SERPINC1: variants seen among roughly 807,000 people sequenced by gnomAD.
The protein encoded by SERPINC1 is serpin family C member 1, also known as antithrombin-III.
SERPINC1 carries 12 observed loss-of-function variants against 43.4 expected under a neutral mutation model. That is an observed-to-expected ratio of 0.28 (90% CI 0.18 to 0.45). The LOEUF (loss-of-function observed/expected upper bound fraction) is 0.45, where lower values mean the gene tolerates loss of function less well. Among genes scored for constraint, SERPINC1 ranks in the 20% least tolerant of loss-of-function variants. The probability of loss-of-function intolerance (pLI) is 1.00; values close to 1 mark genes in which losing one functional copy is unlikely to be tolerated. For missense variants in SERPINC1, 423 were observed against 578.8 expected (o/e 0.73, Z 2.76); for synonymous variants, 210 against 218.9 (o/e 0.96, Z 0.36).
intron 2 of SERPINC1, among the ~76,000 whole-genome samples, chr1:173,913,437 C>G (rs748381636): frequency 2.6e-5 from 4 of 152,206 alleles, no homozygotes; most frequent in Non-Finnish European, 5.9e-5. Context: ...AACACTCTCA[C>G]GTCCTTGAGG....
intron 6 of SERPINC1, 114 bp from the exon 7 acceptor site, chr1:173,904,179 G>T: frequency 2.0e-6 from 2 of 981,466 alleles, no homozygotes; most frequent in Non-Finnish European, 3.2e-6. Flanking sequence ...CCAGTAAAAA[G>T]TACATTTGGG....
chr1:173,908,624 G>A (rs919964130), intron 5 of SERPINC1, among the ~76,000 whole-genome samples: 1 of 151,904 alleles, frequency 6.6e-6, no homozygotes, highest in African/African-American at 2.4e-5. Context: ...GCAGTGGTGT[G>A]ATCACAGTAC....
At chr1:173,914,980 A>G (rs1657931089) in intron 1 of SERPINC1, 61 bp from the exon 2 acceptor site, 2 of 1,580,318 alleles carry the variant, frequency 1.3e-6, no homozygotes, top group Non-Finnish European at 1.7e-6. Context: ...ACTGCCCACC[A>G]CAGGGTTGCC....
intron 6 of SERPINC1, among the ~76,000 whole-genome samples, 155 bp from the exon 7 acceptor site, chr1:173,904,220 C>T (rs2759325): frequency 6.6e-6 from 1 of 152,230 alleles, no homozygotes. Flanking sequence ...AATCCTACTT[C>T]TACTCATTCT....
intron 6 of SERPINC1, among the ~76,000 whole-genome samples, chr1:173,904,433 GT>G (rs747099319): frequency 6.6e-6 from 1 of 152,106 alleles, no homozygotes; most frequent in Non-Finnish European, 1.5e-5. Flanking sequence ...GAACTCCATA[GT>G]TGAAAGAAAC....
At chr1:173,905,079 A>T (rs1181152981) in intron 6 of SERPINC1, among the ~76,000 whole-genome samples, 1 of 151,992 alleles carries the variant, frequency 6.6e-6, no homozygotes, top group South Asian at 2.1e-4. Context: ...AGTAACTCAG[A>T]CCCCTCAAGG....
chr1:173,912,084 G>A, intron 2 of SERPINC1, 70 bp from the exon 3 acceptor site: 3 of 1,112,668 alleles, frequency 2.7e-6, no homozygotes, highest in Non-Finnish European at 4.1e-6. Flanking sequence ...GTGAGCACAT[G>A]CTGGTCAGTC....
chr1:173,909,436 G>T, intron 5 of SERPINC1, 116 bp downstream of exon 5: 1 of 1,021,712 alleles, frequency 9.8e-7, no homozygotes, highest in Non-Finnish European at 1.5e-6. Context: ...TAGAAACTAG[G>T]ATCAGTATCC....
chr1:173,912,081 C>T, intron 2 of SERPINC1, 67 bp from the exon 3 acceptor site: 5 of 1,132,558 alleles, frequency 4.4e-6, no homozygotes, highest in Non-Finnish European at 6.7e-6. Context: ...GTGGTGAGCA[C>T]ATGCTGGTCA....
At chr1:173,916,258 C>A (rs895715854) in intron 1 of SERPINC1, among the ~76,000 whole-genome samples, 3 of 152,148 alleles carry the variant, frequency 2.0e-5, no homozygotes. Context: ...ATGGTTCCTG[C>A]GTGTACACAA....
chr1:173,915,290 C>A, intron 1 of SERPINC1: 1 of 560,584 alleles, frequency 1.8e-6, no homozygotes, highest in Non-Finnish European at 2.6e-6. Context: ...GTAGGGGGAG[C>A]CATCTACAGA....
chr1:173,906,582 G>A (rs1332999291), intron 6 of SERPINC1, among the ~76,000 whole-genome samples: 1 of 151,680 alleles, frequency 6.6e-6, no homozygotes, highest in Non-Finnish European at 1.5e-5. Context: ...AATTAGGCAT[G>A]TGGCCACACT....
At chr1:173,905,839 C>G (rs924541683) in intron 6 of SERPINC1, among the ~76,000 whole-genome samples, 1 of 152,178 alleles carries the variant, frequency 6.6e-6, no homozygotes, top group African/African-American at 2.4e-5. Context: ...ATGGCTACAC[C>G]TTGGACTTGC....
At chr1:173,905,005 T>C (rs1285944113) in intron 6 of SERPINC1, among the ~76,000 whole-genome samples, 1 of 152,072 alleles carries the variant, frequency 6.6e-6, no homozygotes, top group Non-Finnish European at 1.5e-5. Context: ...CATGGAAAAA[T>C]CTTACATATT....
At position 173,903,809 on chromosome 1, in the gene SERPINC1, T is replaced by G; in HGVS notation, c.*80A>C. 118 of 1,223,452 alleles carry G rather than the reference T, an allele frequency of 9.6e-5. No individual in the cohort carries two copies. Among genetic ancestry groups the G allele is most frequent in the Non-Finnish European group, 1.3e-4 (106 of 829,606 alleles). The allele number at this position is 1,223,452 out of a possible 1,614,324, so 75.8% of individuals were successfully genotyped here. A position where few individuals can be genotyped will look rare whatever the true frequency, so the allele number is the denominator to read the frequency against. On this transcript the variant is annotated 3_prime_UTR_variant, in exon 7 of 7. Transcript: ENST00000367698. ...TCAAATGCAGAGTCCATTTATAATG[T>G]GAGATGGAAGTAGTTTGTATTTATT...
At chr1:173,907,816 C>G (rs367690149) in intron 5 of SERPINC1, among the ~76,000 whole-genome samples, 1 of 151,616 alleles carries the variant, frequency 6.6e-6, no homozygotes, top group Non-Finnish European at 1.5e-5. Context: ...TTGTCTCTAT[C>G]GTGAAAATAC....
At chr1:173,914,440 A>G in intron 2 of SERPINC1, 113 bp downstream of exon 2, 1 of 1,188,660 alleles carries the variant, frequency 8.4e-7, no homozygotes, top group Non-Finnish European at 1.3e-6. Flanking sequence ...GTAATGCATA[A>G]TGAGCGCCCC....
chr1:173,914,462 A>G (rs1303190031), intron 2 of SERPINC1, 91 bp downstream of exon 2: 5 of 1,441,702 alleles, frequency 3.5e-6, no homozygotes, highest in African/African-American at 1.4e-5. Flanking sequence ...AGTGGCCTGC[A>G]GTGTTGGTTG....
In SERPINC1 at chr1:173,907,519, A is replaced by G. The variant is rs375346550; in HGVS notation, c.1154-5T>C. Reference sequence around the variant, plus strand: ...CTCGGCCTTCTGCAACAATACCTGGAAGGAAGACCGGAGAAGTCTTTGTGA... The same window carrying G: ...CTCGGCCTTCTGCAACAATACCTGGGAGGAAGACCGGAGAAGTCTTTGTGA... On this transcript the variant is annotated splice_region_variant and splice_polypyrimidine_tract_variant and intron_variant, in intron 5 of 6. Coordinates refer to ENST00000367698, the MANE Select transcript of SERPINC1 (RefSeq NM_000488.4). 139 of 1,613,012 alleles carry G rather than the reference A, an allele frequency of 8.6e-5. No individual in the cohort carries two copies. Among genetic ancestry groups the G allele is most frequent in the South Asian group, 4.7e-4 (43 of 91,072 alleles).
Sources: allele counts gnomAD v4.1 joint callset (sites outside exome capture counted in the v4.1 genomes callset), GRCh38; gene constraint gnomAD v4.1.1; transcripts MANE v1.5; gene names NCBI Gene and HGNC (gene_info 2026-07-23, HGNC 2026-07-21).